Variants in SDK1 observed in about 807,000 individuals in gnomAD.
The protein encoded by SDK1 is sidekick cell adhesion molecule 1.
A neutral mutation model predicts 245.5 loss-of-function variants in SDK1; 157 were observed. That is an observed-to-expected ratio of 0.64 (90% CI 0.56 to 0.73). The LOEUF (loss-of-function observed/expected upper bound fraction) is 0.73. Ranked by LOEUF, SDK1 falls within the 30% of genes least tolerant of loss-of-function variation. The probability of loss-of-function intolerance (pLI) is 0.00; values close to 1 mark genes in which losing one functional copy is unlikely to be tolerated. For missense variants in SDK1, 3,583 were observed against 3,002.3 expected, an observed-to-expected ratio of 1.19 and a Z score of -4.52; for synonymous variants, 1,647 against 1,278.5, an observed-to-expected ratio of 1.29 and a Z score of -6.15.
intron 1 of SDK1, among the ~76,000 whole-genome samples, chr7:3,342,054 C>T (rs566593310): frequency 1.3e-5 from 2 of 152,194 alleles, no homozygotes; most frequent in East Asian, 3.9e-4. Flanking sequence ...AATCAAGATA[C>T]ACAGATCAAT....
rs760830732 is a variant in SDK1 at position 4,049,460 on chromosome 7, C to T, written c.2715C>T (p.Tyr905=). 1 of 1,611,272 alleles carries T rather than the reference C, an allele frequency of 6.2e-7. No homozygotes were observed. The highest frequency in any genetic ancestry group is 1.1e-5 in the South Asian group (1 of 91,012). The change falls in exon 18 of 45, where the codon TAC becomes TAT. Residue 905 remains tyrosine, a synonymous_variant. Coordinates refer to ENST00000404826, the MANE Select transcript of SDK1 (RefSeq NM_152744.4). ...TTATCAATGGCATCAACCAGGGATACAAGGTACGTGGCCTGGGTTCAGGGC... is the reference window on the plus strand; with the variant it reads ...TTATCAATGGCATCAACCAGGGATATAAGGTACGTGGCCTGGGTTCAGGGC... ...QQFINGINQG[Y]KLLAWPADAP...
At chr7:3,965,366 C>G (rs752584022) in intron 9 of SDK1, among the ~76,000 whole-genome samples, 13 of 152,276 alleles carry the variant, frequency 8.5e-5, no homozygotes, top group Admixed American at 3.9e-4. Flanking sequence ...TTATAGGATT[C>G]TCATGAGGGT....
intron 2 of SDK1, among the ~76,000 whole-genome samples, chr7:3,620,445 G>A (rs1318773595): frequency 6.6e-6 from 1 of 152,040 alleles, no homozygotes; most frequent in African/African-American, 2.4e-5. Flanking sequence ...TGGTTCTACA[G>A]GCGTGAGCCA....
At chr7:3,361,951 C>T (rs1394516445) in intron 1 of SDK1, among the ~76,000 whole-genome samples, 2 of 152,130 alleles carry the variant, frequency 1.3e-5, no homozygotes, top group Non-Finnish European at 2.9e-5. Context: ...CAGTGGCAGT[C>T]CTCATTTTCT....
At chr7:3,534,039 A>G (rs188387331) in intron 1 of SDK1, among the ~76,000 whole-genome samples, 2 of 152,136 alleles carry the variant, frequency 1.3e-5, no homozygotes, top group African/African-American at 4.8e-5. Flanking sequence ...GGAACTTTTT[A>G]CCTTTTGATT....
At position 3,745,946 on chromosome 7, in the gene SDK1, C is replaced by T. The variant is rs139842200; in HGVS notation, c.714-75504C>T. Among the ~76,000 whole-genome samples, 394 of 152,316 alleles carry T rather than the reference C, an allele frequency of 2.6e-3. 1 individual carries two copies. Among genetic ancestry groups the T allele is most frequent in the Non-Finnish European group, 4.1e-3 (280 of 68,026 alleles). Reference sequence around the variant, plus strand: ...GCTATGTGGGTTTGGATCCCAGCTCCACCACAGACTAGCTGTCAGTCCTCT... The same window carrying T: ...GCTATGTGGGTTTGGATCCCAGCTCTACCACAGACTAGCTGTCAGTCCTCT... On this transcript the variant is annotated intron_variant, in intron 4 of 44. Transcript: ENST00000404826.
chr7:3,724,392 G>GC (rs1778947352), intron 4 of SDK1, among the ~76,000 whole-genome samples: 1 of 152,074 alleles, frequency 6.6e-6, no homozygotes, highest in African/African-American at 2.4e-5. Flanking sequence ...GGGCAACATA[G>GC]TGAGACCCTG....
chr7:3,748,936 A>G (rs764517845), intron 4 of SDK1, among the ~76,000 whole-genome samples: 1 of 152,212 alleles, frequency 6.6e-6, no homozygotes, highest in Non-Finnish European at 1.5e-5. Context: ...ATTGACAATA[A>G]TAACATTCTA....
rs191762215 is a variant in SDK1 at position 3,951,181 on chromosome 7, G to A, written c.959+147G>A. 36 of 639,434 alleles carry A rather than the reference G, an allele frequency of 5.6e-5. No individual in the cohort carries two copies. The East Asian group carries it at 9.2e-4, about 16-fold the overall frequency. 39.6% of individuals were successfully genotyped at this position (639,434 alleles called of 1,614,324 possible). ...CGGGTGGGCCATGAATACGAGATAT[G>A]GGTAGATAAGGAAATGGACACACTG... On this transcript the variant is annotated intron_variant, in intron 6 of 44. Transcript: ENST00000404826.
intron 38 of SDK1, among the ~76,000 whole-genome samples, chr7:4,212,066 G>GT (rs1475067947): frequency 3.9e-5 from 6 of 152,192 alleles, no homozygotes; most frequent in Admixed American, 2.0e-4. Flanking sequence ...TCCAGGGCAA[G>GT]TTTCCCCCTG....
intron 1 of SDK1, among the ~76,000 whole-genome samples, chr7:3,525,111 T>C (rs1034642863): frequency 6.6e-6 from 1 of 152,180 alleles, no homozygotes; most frequent in Admixed American, 6.5e-5. Flanking sequence ...TGATTGGAAG[T>C]GTACAGGAGG....
At chr7:4,153,804 G>A (rs1055755430) in intron 30 of SDK1, among the ~76,000 whole-genome samples, 1 of 152,018 alleles carries the variant, frequency 6.6e-6, no homozygotes, top group Non-Finnish European at 1.5e-5. Context: ...AGCCTCCCGG[G>A]TAGCTAAGAC....
chr7:4,039,415 AG>A lies in SDK1; in HGVS notation c.2603-9932del, dbSNP rs142414484. 7.0e-3 allele frequency among the ~76,000 whole-genome samples: 1,065 copies of A among 152,294 alleles called. 6 individuals carry two copies. The highest frequency in any genetic ancestry group is 9.7e-3 in the Non-Finnish European group (662 of 68,022). On this transcript the variant is annotated intron_variant, in intron 17 of 44. Transcript: ENST00000404826. ...AAATATATACATATTTAAATATAAA[AG>A]TATATAAAGTGGCCTGTAGGCCTTA...
intron 1 of SDK1, among the ~76,000 whole-genome samples, chr7:3,481,313 ACT>A (rs1484579833): frequency 6.6e-6 from 1 of 152,018 alleles, no homozygotes; most frequent in African/African-American, 2.4e-5. Context: ...CTGGACTTGA[ACT>A]CTGTTCATCT....
chr7:4,137,766 C>T (rs544297036), intron 28 of SDK1, among the ~76,000 whole-genome samples: 40 of 152,358 alleles, frequency 2.6e-4, no homozygotes, highest in African/African-American at 8.7e-4. Context: ...TCTGGCCTTG[C>T]GTCGCTGAAG....
chr7:3,806,537 C>G (rs373087833), intron 4 of SDK1, among the ~76,000 whole-genome samples: 1 of 152,232 alleles, frequency 6.6e-6, no homozygotes, highest in Admixed American at 6.5e-5. Context: ...TAGACCCTAG[C>G]GAAGAATTTT....
At chr7:4,203,195 C>G (rs1451018284) in intron 35 of SDK1, among the ~76,000 whole-genome samples, 1 of 152,234 alleles carries the variant, frequency 6.6e-6, no homozygotes, top group Non-Finnish European at 1.5e-5. Context: ...AAGCAACCAG[C>G]CAGAATTCCA....
At chr7:3,986,448 G>C (rs1453464434) in intron 13 of SDK1, among the ~76,000 whole-genome samples, 1 of 152,178 alleles carries the variant, frequency 6.6e-6, no homozygotes, top group African/African-American at 2.4e-5. Flanking sequence ...AACTCTAAAT[G>C]GCTAGTGTTG....
chr7:3,337,087 G>C (rs768950389), intron 1 of SDK1, among the ~76,000 whole-genome samples: 65 of 152,232 alleles, frequency 4.3e-4, no homozygotes, highest in Non-Finnish European at 8.5e-4. Context: ...AATGAGAAAG[G>C]ACCATCAGCA....
Sources: gnomAD v4.1 joint callset for allele counts (sites outside exome capture counted in the v4.1 genomes callset) on GRCh38, gnomAD v4.1.1 for gene constraint, MANE v1.5 for transcripts, NCBI Gene and HGNC (gene_info 2026-07-23, HGNC 2026-07-21) for gene names.